CD99L2: variants seen among roughly 807,000 people sequenced by gnomAD.
CD99L2 encodes the protein CD99 molecule like 2.
A neutral mutation model predicts 27.3 loss-of-function variants in CD99L2; 24 were observed. The observed-to-expected ratio is 0.88, with a 90% confidence interval of 0.64 to 1.24. CD99L2 has a LOEUF of 1.24. Ranked by LOEUF, CD99L2 falls within the 50% of genes most tolerant of loss-of-function variation. CD99L2 has a pLI of 0.00. For synonymous variants in CD99L2, 97 were observed against 87.9 expected, an observed-to-expected ratio of 1.10 and a Z score of -0.58; for missense variants, 255 against 221.6, an observed-to-expected ratio of 1.15 and a Z score of -0.96.
In CD99L2 at chrX:150,824,137, G is replaced by GA. The variant is rs1557420758; in HGVS notation, c.130+7093dup. ...AGGAAGAAGGAAGGAGGAGGAGGAG[G>GA]AGGAGAAGAAGGAAGGAGGAGGAGG... On this transcript the variant is annotated intron_variant, in intron 2 of 10. Transcript: ENST00000370377. Among the ~76,000 whole-genome samples, 61 of 65,512 alleles carry GA rather than the reference G, an allele frequency of 9.3e-4. 6 individuals carry two copies. Among genetic ancestry groups the GA allele is most frequent in the Non-Finnish European group, 1.3e-3 (48 of 36,923 alleles). 56.9% of individuals were successfully genotyped at this position (65,512 alleles called of 115,157 possible).
chrX:150,865,159 G>T (rs1385864287), intron 1 of CD99L2, among the ~76,000 whole-genome samples: 2 of 110,634 alleles, frequency 1.8e-5, no homozygotes, highest in African/African-American at 6.6e-5. Flanking sequence ...TGAGGAGAGG[G>T]GGGGAAAGTA....
intron 9 of CD99L2, among the ~76,000 whole-genome samples, chrX:150,775,218 C>T (rs921671744): frequency 5.4e-5 from 6 of 111,975 alleles, no homozygotes; most frequent in African/African-American, 1.3e-4. Flanking sequence ...GAAAGACCCA[C>T]GTGGGTTGCT....
At chrX:150,858,911 A>G (rs1237184304) in intron 1 of CD99L2, among the ~76,000 whole-genome samples, 4 of 111,971 alleles carry the variant, frequency 3.6e-5, no homozygotes, top group Non-Finnish European at 5.6e-5. Context: ...TGGTTCCTTA[A>G]AAAGAAACAA....
chrX:150,886,646 C>G (rs1212089677), intron 1 of CD99L2, among the ~76,000 whole-genome samples: 1 of 111,770 alleles, frequency 8.9e-6, no homozygotes, highest in Non-Finnish European at 1.9e-5. Context: ...AGGGGTGATT[C>G]GCCACCCCCC....
intron 1 of CD99L2, among the ~76,000 whole-genome samples, chrX:150,870,678 C>A (rs1001763977): frequency 1.1e-4 from 12 of 110,951 alleles, no homozygotes; most frequent in African/African-American, 3.6e-4. Context: ...GAACTGCTGC[C>A]ACCAGAAAGG....
intron 3 of CD99L2, 59 bp from the exon 4 acceptor site, chrX:150,814,995 A>T (rs782393976): frequency 1.7e-6 from 2 of 1,148,036 alleles, no homozygotes; most frequent in Admixed American, 4.4e-5. Context: ...TGGGTATAAG[A>T]TTCCAAAATA....
intron 1 of CD99L2, among the ~76,000 whole-genome samples, chrX:150,859,379 A>G (rs2046939444): frequency 9.0e-6 from 1 of 110,978 alleles, no homozygotes; most frequent in Admixed American, 9.5e-5. Context: ...CGCAGCTATA[A>G]TCCCAACTAC....
chrX:150,824,756 T>C (rs1374795643), intron 2 of CD99L2, among the ~76,000 whole-genome samples: 4 of 111,114 alleles, frequency 3.6e-5, no homozygotes, highest in Non-Finnish European at 5.7e-5. Flanking sequence ...TACTGCCACA[T>C]TGGGAATTAA....
chrX:150,819,349 A>C, intron 2 of CD99L2: 1 of 182,542 alleles, frequency 5.5e-6, no homozygotes, highest in African/African-American at 3.0e-5. Context: ...ATCTTTGTGC[A>C]CTCACTGAAG....
intron 4 of CD99L2, among the ~76,000 whole-genome samples, chrX:150,810,162 G>T (rs564275285): frequency 8.9e-6 from 1 of 111,781 alleles, no homozygotes; most frequent in Non-Finnish European, 1.9e-5. Flanking sequence ...TTTGCATTCC[G>T]CTCAAAGGCA....
At chrX:150,789,609 G>A (rs2045654740) in intron 7 of CD99L2, among the ~76,000 whole-genome samples, 1 of 111,668 alleles carries the variant, frequency 9.0e-6, no homozygotes, top group Non-Finnish European at 1.9e-5. Flanking sequence ...TTTATAGCTG[G>A]GCGCAACGGC....
At chrX:150,861,034 CGGGAGGCTGA>C (rs1397079693) in intron 1 of CD99L2, among the ~76,000 whole-genome samples, 1 of 104,558 alleles carries the variant, frequency 9.6e-6, no homozygotes, top group Non-Finnish European at 1.9e-5. Context: ...CCCAGCTACT[CGGGAGGCTGA>C]GGGAGGAGAA....
chrX:150,824,334 G>GAAGAAGA (rs1217070850), intron 2 of CD99L2, among the ~76,000 whole-genome samples: 2 of 94,676 alleles, frequency 2.1e-5, no homozygotes, highest in African/African-American at 8.1e-5. Flanking sequence ...AGGAGAAGAA[G>GAAGAAGA]AAGAAGAAAG....
At chrX:150,805,831 C>T (rs782234006) in intron 4 of CD99L2, among the ~76,000 whole-genome samples, 1 of 111,691 alleles carries the variant, frequency 9.0e-6, no homozygotes, top group South Asian at 3.8e-4. Context: ...TTGAAATTGC[C>T]AAATGCTACA....
chrX:150,769,240 C>G (rs2043368681), intron 10 of CD99L2, 139 bp from the exon 11 acceptor site: 1 of 702,870 alleles, frequency 1.4e-6, no homozygotes, highest in Admixed American at 4.7e-5. Context: ...ACCTTCCCTC[C>G]TGAGCCTGGG....
intron 4 of CD99L2, among the ~76,000 whole-genome samples, chrX:150,814,121 T>C (rs1401411727): frequency 8.9e-6 from 1 of 112,165 alleles, no homozygotes; most frequent in African/African-American, 3.2e-5. Context: ...GGCACTAATA[T>C]TTTCCAAATG....
In CD99L2 at chrX:150,898,481, G is replaced by GGGTCCCCGCGC. The variant is rs782272652; in HGVS notation, c.67+30_67+40dup. 1.9e-5 allele frequency: 20 copies of GGGTCCCCGCGC among 1,060,388 alleles called. No homozygotes were observed. In the African/African-American group the frequency reaches 2.2e-4, roughly 12 times the overall value. The allele number at this position is 1,060,388 out of a possible 1,213,427, so 87.4% of individuals were successfully genotyped here. A position where few individuals can be genotyped will look rare whatever the true frequency, so the allele number is the denominator to read the frequency against. On this transcript the variant is annotated intron_variant, in intron 1 of 10. Transcript: ENST00000370377. ...GAGCGACCCCTGGGCCCACAAGGCG[G>GGGTCCCCGCGC]GGTCCCCGCGCGGTCCCCGCGCGCC...
At chrX:150,805,277 T>C (rs1327666173) in intron 4 of CD99L2, among the ~76,000 whole-genome samples, 5 of 110,123 alleles carry the variant, frequency 4.5e-5, no homozygotes, top group African/African-American at 1.7e-4. Flanking sequence ...AAACCAAAAC[T>C]GAACTCATAG....
At chrX:150,887,449 G>GAAATAAATAAAT (rs200189117) in intron 1 of CD99L2, among the ~76,000 whole-genome samples, 1,085 of 98,336 alleles carry the variant, frequency 0.011, 16 homozygotes, top group African/African-American at 0.025. Context: ...TCCGTCTCCA[G>GAAATAAATAAAT]AAATAAATAA....
Sources: gnomAD v4.1 joint callset for allele counts (sites outside exome capture counted in the v4.1 genomes callset) on GRCh38, gnomAD v4.1.1 for gene constraint, MANE v1.5 for transcripts, NCBI Gene and HGNC (gene_info 2026-07-23, HGNC 2026-07-21) for gene names.